The following USP15 variants were observed in gnomAD, a reference collection of about 807,000 sequenced individuals.
The protein encoded by USP15 is ubiquitin specific peptidase 15.
Under a neutral mutation model 127.1 loss-of-function variants are expected in USP15, and 18 were observed. The observed-to-expected ratio is 0.14, with a 90% CI of 0.10 to 0.21. USP15 has a LOEUF of 0.21. Among genes scored for constraint, USP15 ranks in the 10% least tolerant of loss-of-function variants. The pLI, the probability that USP15 is intolerant of heterozygous loss-of-function variation, is 1.00. For missense variants in USP15, 805 were observed against 1,159.9 expected (o/e 0.69, Z 4.44); for synonymous variants, 364 against 393.7 (o/e 0.92, Z 0.89).
chr12:62,404,509 G>C lies in USP15; in HGVS notation c.*134G>C, dbSNP rs892450668. 2.3e-6 allele frequency: 3 copies of C among 1,306,790 alleles called. No individual in the cohort carries two copies. Among genetic ancestry groups the C allele is most frequent in the Non-Finnish European group, 3.0e-6 (3 of 997,408 alleles). The allele number at this position is 1,306,790 out of a possible 1,614,324, so 80.9% of individuals were successfully genotyped here. A position where few individuals can be genotyped will look rare whatever the true frequency, so the allele number is the denominator to read the frequency against. Reference sequence around the variant, plus strand: ...ATAACCGAATGTAAATCCTTTATCAGATTTTAACTTGTGCAGTACTTGAAG... The same window carrying C: ...ATAACCGAATGTAAATCCTTTATCACATTTTAACTTGTGCAGTACTTGAAG... On this transcript the variant is annotated 3_prime_UTR_variant, in exon 22 of 22. Coordinates refer to ENST00000280377, the MANE Select transcript of USP15 (RefSeq NM_001252078.2).
rs897626943 is a variant in USP15 at position 62,395,597 on chromosome 12, GT to G, written c.2571-687del. 7.0e-4 allele frequency among the ~76,000 whole-genome samples: 100 copies of G among 142,884 alleles called. 1 individual carries two copies. Among genetic ancestry groups the G allele is most frequent in the East Asian group, 3.5e-3 (17 of 4,926 alleles). 93.7% of individuals were successfully genotyped at this position (142,884 alleles called of 152,430 possible). ...ATCAAATAGTATGTTTTATTCATTC[GT>G]TTTTTTTTTTAACCCGTTAACCATC... is the stretch of plus-strand genomic sequence containing the variant. On this transcript the variant is annotated intron_variant, in intron 19 of 21. Coordinates refer to ENST00000280377, the MANE Select transcript of USP15 (RefSeq NM_001252078.2).
chr12:62,391,972 C>T, intron 17 of USP15, 86 bp downstream of exon 17: 1 of 1,259,750 alleles, frequency 7.9e-7, no homozygotes, highest in Non-Finnish European at 1.1e-6. Context: ...GTGTTACACT[C>T]TTTGCTTCCA....
intron 2 of USP15, among the ~76,000 whole-genome samples, chr12:62,301,854 A>G (rs1350202111): frequency 6.6e-6 from 1 of 152,160 alleles, no homozygotes; most frequent in Non-Finnish European, 1.5e-5. Flanking sequence ...ATTAAGACTA[A>G]CTTAGGACAA....
At position 62,326,574 on chromosome 12, in the gene USP15, T is replaced by A. The variant is rs188039456; in HGVS notation, c.683+641T>A. On this transcript the variant is annotated intron_variant, in intron 6 of 21. Coordinates refer to ENST00000280377, the MANE Select transcript of USP15 (RefSeq NM_001252078.2). ...GACACTTCTTTATAATCAAACACAT[T>A]AATATTTTTTCAGCAAATATTCACA... Among the ~76,000 whole-genome samples the A allele has an allele frequency of 1.5e-3, 232 of 152,284 alleles. 2 individuals are homozygous for A. The highest frequency in any genetic ancestry group is 8.5e-3 in the Admixed American group (130 of 15,282).
Position 62,415,646 on chromosome 12 carries a change from C to T in USP15, c.*11271C>T, listed in dbSNP as rs2068137772. ...TCTAGGAAGGCTTGGGGTGAGCAAC[C>T]TGATTAGAAGGGAACAATGTGACTT... is the stretch of plus-strand genomic sequence containing the variant. On this transcript the variant is annotated 3_prime_UTR_variant, in exon 22 of 22. Coordinates refer to ENST00000280377, the MANE Select transcript of USP15 (RefSeq NM_001252078.2). The T allele has an allele frequency of 6.6e-6, 1 of 152,158 alleles. No individual in the cohort carries two copies. The highest frequency in any genetic ancestry group is 2.4e-5 in the African/African-American group (1 of 41,430). The allele number at this position is 152,158 out of a possible 1,614,324, so 9.4% of individuals were successfully genotyped here.
chr12:62,397,980 A>G (rs1028468510), intron 20 of USP15, among the ~76,000 whole-genome samples: 5 of 143,916 alleles, frequency 3.5e-5, no homozygotes, highest in African/African-American at 1.3e-4. Context: ...TATTATTATT[A>G]TATTTTATTT....
chr12:62,321,297 T>G (rs1017733650), intron 4 of USP15, among the ~76,000 whole-genome samples, 167 bp from the exon 5 acceptor site: 1 of 152,184 alleles, frequency 6.6e-6, no homozygotes, highest in Non-Finnish European at 1.5e-5. Context: ...CATAAAAACT[T>G]GGTCTTAAAA....
At chr12:62,336,254 T>A in intron 6 of USP15, 1 of 985,456 alleles carries the variant, frequency 1.0e-6, no homozygotes, top group Non-Finnish European at 1.2e-6. Flanking sequence ...ACCACTTTTC[T>A]GAATTCCAGA....
At chr12:62,381,415 C>A in intron 8 of USP15, 75 bp from the exon 9 acceptor site, 2 of 1,273,606 alleles carry the variant, frequency 1.6e-6, no homozygotes, top group South Asian at 1.6e-5. Flanking sequence ...ATTTGTTTCT[C>A]TCTTCATATT....
intron 20 of USP15, 149 bp from the exon 21 acceptor site, chr12:62,401,038 A>G (rs1013900577): frequency 2.2e-6 from 1 of 446,802 alleles, no homozygotes; most frequent in African/African-American, 2.0e-5. Context: ...ATTAGAAATC[A>G]TTTGAATCAA....
rs142008556 is a variant in USP15, at chr12:62,352,514, T to C, written c.771-2817T>C. On this transcript the variant is annotated intron_variant, in intron 7 of 21. Coordinates refer to ENST00000280377, the MANE Select transcript of USP15 (RefSeq NM_001252078.2). ...GCCTTTTAAAAATATTTTTAACGTGTTTATTGTCTCAATTTGACATTCCAA... is the reference window on the plus strand; with the variant it reads ...GCCTTTTAAAAATATTTTTAACGTGCTTATTGTCTCAATTTGACATTCCAA... 3.4e-3 allele frequency among the ~76,000 whole-genome samples: 519 copies of C among 152,180 alleles called. 5 individuals are homozygous for C. Among genetic ancestry groups the C allele is most frequent in the African/African-American group, 0.012 (505 of 41,586 alleles).
intron 6 of USP15, among the ~76,000 whole-genome samples, chr12:62,345,950 C>T (rs1000633088): frequency 6.6e-6 from 1 of 152,162 alleles, no homozygotes; most frequent in Non-Finnish European, 1.5e-5. Context: ...AGGACCCTCC[C>T]ACAACACCAG....
At chr12:62,341,446 A>G (rs1479691952) in intron 6 of USP15, among the ~76,000 whole-genome samples, 3 of 152,114 alleles carry the variant, frequency 2.0e-5, no homozygotes, top group East Asian at 1.9e-4. Flanking sequence ...TTTTTTGCAC[A>G]TTAGTTGATG....
chr12:62,372,101 A>G (rs1272581078), intron 8 of USP15, among the ~76,000 whole-genome samples: 1 of 152,200 alleles, frequency 6.6e-6, no homozygotes, highest in Non-Finnish European at 1.5e-5. Context: ...AAAACACTGC[A>G]TTAGAAAAAA....
intron 1 of USP15, among the ~76,000 whole-genome samples, chr12:62,275,329 G>C (rs1332535654): frequency 1.3e-5 from 2 of 151,606 alleles, no homozygotes; most frequent in South Asian, 2.1e-4. Context: ...AAATCAAAGA[G>C]CAGGGCTATG....
At chr12:62,274,555 G>C (rs576008031) in intron 1 of USP15, among the ~76,000 whole-genome samples, 69 of 152,190 alleles carry the variant, frequency 4.5e-4, no homozygotes, top group Middle Eastern at 3.4e-3. Context: ...TGAGGCAAGA[G>C]AATCACTTGA....
At chr12:62,281,672 C>A (rs889471201) in intron 1 of USP15, among the ~76,000 whole-genome samples, 1 of 152,068 alleles carries the variant, frequency 6.6e-6, no homozygotes, top group Admixed American at 6.6e-5. Context: ...CCTGATGTTT[C>A]ATTACCATAA....
At chr12:62,275,189 C>A (rs546489359) in intron 1 of USP15, among the ~76,000 whole-genome samples, 1 of 151,702 alleles carries the variant, frequency 6.6e-6, no homozygotes, top group African/African-American at 2.4e-5. Flanking sequence ...GTTGAGATGT[C>A]TGGAAAATCC....
At chr12:62,307,115 A>G (rs2064509488) in intron 3 of USP15, among the ~76,000 whole-genome samples, 1 of 152,112 alleles carries the variant, frequency 6.6e-6, no homozygotes, top group South Asian at 2.1e-4. Context: ...CTCCAGTAAG[A>G]TCCAGTGGAG....
Sources: gnomAD v4.1 joint callset for allele counts (sites outside exome capture counted in the v4.1 genomes callset) on GRCh38, gnomAD v4.1.1 for gene constraint, MANE v1.5 for transcripts, NCBI Gene and HGNC (gene_info 2026-07-23, HGNC 2026-07-21) for gene names.